Variants in SUPT20H observed in about 807,000 individuals in gnomAD.
SUPT20H encodes the protein SPT20 homolog, SAGA complex component.
Under a neutral mutation model 122.8 loss-of-function variants are expected in SUPT20H, and 82 were observed. The ratio of observed to expected loss-of-function variants is 0.67; its 90% confidence interval spans 0.56 to 0.80. The LOEUF is 0.80. Ranked by LOEUF, SUPT20H falls within the 30% of genes least tolerant of loss-of-function variation. The pLI is 0.00. For missense variants in SUPT20H, 831 were observed against 921.6 expected, an observed-to-expected ratio of 0.90 and a Z score of 1.27; for synonymous variants, 291 against 313.0, an observed-to-expected ratio of 0.93 and a Z score of 0.74.
At chr13:37,057,737 G>A (rs1026869758) in intron 1 of SUPT20H, among the ~76,000 whole-genome samples, 1 of 152,054 alleles carries the variant, frequency 6.6e-6, no homozygotes, top group Admixed American at 6.6e-5. Context: ...ACTTTGGGAG[G>A]CCAAGGCAGG....
intron 1 of SUPT20H, among the ~76,000 whole-genome samples, chr13:37,056,420 G>A (rs945102064): frequency 6.6e-6 from 1 of 152,154 alleles, no homozygotes; most frequent in African/African-American, 2.4e-5. Context: ...ATACACCATG[G>A]AATACTATGC....
chr13:37,033,402 T>A (rs539690119), intron 10 of SUPT20H, 47 bp downstream of exon 10: 1 of 1,590,102 alleles, frequency 6.3e-7, no homozygotes, highest in South Asian at 1.1e-5. Flanking sequence ...TAGCAAAATT[T>A]ATAGCTACTT....
chr13:37,027,318 TA>T (rs919129885), intron 14 of SUPT20H, among the ~76,000 whole-genome samples: 16 of 148,044 alleles, frequency 1.1e-4, no homozygotes, highest in African/African-American at 1.2e-4. Flanking sequence ...GTCTATAACT[TA>T]AAAAAAAAAG....
Position 37,031,789 on chromosome 13 carries a change from C to G in SUPT20H, c.814G>C (p.Glu272Gln). The G allele has an allele frequency of 1.2e-6, 2 of 1,609,438 alleles. No individual in the cohort carries two copies. Among genetic ancestry groups the G allele is most frequent in the South Asian group, 1.1e-5 (1 of 89,910 alleles). ...TCATAATGCTGACCTGCTTTTCTTT[C>G]CTTTCTTTTTTGTAAGAAATCAAGT... ...RLLDFLQKRKERKAGQHYDLK... is the reference protein window; with the variant it reads ...RLLDFLQKRKQRKAGQHYDLK... The change falls in exon 11 of 26, where the codon GAA becomes CAA. Residue 272 changes from glutamate (E) to glutamine (Q), a missense_variant. By Grantham distance (29) the Glu-to-Gln change is conservative (BLOSUM62 2). Transcript: ENST00000350612.
Position 37,033,533 on chromosome 13 carries a change from C to A in SUPT20H, c.623G>T (p.Cys208Phe). 6.2e-7 allele frequency: 1 copy of A among 1,613,592 alleles called. No homozygotes were observed. The highest frequency in any genetic ancestry group is 8.5e-7 in the Non-Finnish European group (1 of 1,179,784). The change falls in exon 10 of 26, where the codon TGT becomes TTT. Residue 208 changes from cysteine (C) to phenylalanine (F), a missense_variant. Transcript: ENST00000350612. Reference sequence around the variant, plus strand: ...GGTGACTGCTATAGAAGGATCAAGACAGAGTGGTTCAGCTGTAGCTAGGAT... The same window carrying A: ...GGTGACTGCTATAGAAGGATCAAGAAAGAGTGGTTCAGCTGTAGCTAGGAT... ...QLILATAEPL[C>F]LDPSIAVTCT... is the part of the protein sequence containing the mutation.
chr13:37,038,970 G>A (rs1158229459), intron 9 of SUPT20H: 2 of 152,224 alleles, frequency 1.3e-5, no homozygotes, highest in Non-Finnish European at 2.9e-5. Context: ...AAGTTTATGA[G>A]AAGAATGCCT....
intron 1 of SUPT20H, among the ~76,000 whole-genome samples, chr13:37,052,716 A>C (rs1186546229): frequency 6.6e-6 from 1 of 152,202 alleles, no homozygotes; most frequent in African/African-American, 2.4e-5. Context: ...TCTGCTCAGC[A>C]AAAGAAACTA....
At chr13:37,012,369 A>G in intron 23 of SUPT20H, 72 bp from the exon 24 acceptor site, 3 of 1,226,784 alleles carry the variant, frequency 2.4e-6, no homozygotes, top group Non-Finnish European at 2.4e-6. Flanking sequence ...AGAAATCAGT[A>G]TTTTTTCCTA....
At chr13:37,023,792 G>T (rs1263334427) in intron 19 of SUPT20H, 1 of 334,618 alleles carries the variant, frequency 3.0e-6, no homozygotes, top group Non-Finnish European at 5.3e-6. Context: ...TGTGTAGGTT[G>T]TAAGCCTATA....
chr13:37,049,568 T>C (rs140480924), intron 2 of SUPT20H, among the ~76,000 whole-genome samples: 1,953 of 152,108 alleles, frequency 0.013, 18 homozygotes, highest in Non-Finnish European at 0.019. Flanking sequence ...GGTGAAACCC[T>C]ATCTCTACTA....
intron 22 of SUPT20H, 123 bp downstream of exon 22, chr13:37,019,219 C>T (rs1201223307): frequency 3.1e-6 from 2 of 647,262 alleles, no homozygotes. Flanking sequence ...CAATAATAAC[C>T]ACACCCTTAG....
At chr13:37,040,537 T>C in intron 8 of SUPT20H, 39 bp downstream of exon 8, 7 of 1,597,484 alleles carry the variant, frequency 4.4e-6, no homozygotes, top group Non-Finnish European at 6.0e-6. Context: ...AACTCCCAAC[T>C]AAAATCTAAA....
At chr13:37,046,745 C>T (rs2138966157) in intron 5 of SUPT20H, 1 of 152,106 alleles carries the variant, frequency 6.6e-6, no homozygotes, top group African/African-American at 2.4e-5. Context: ...CATGTCAAAA[C>T]TTAAAAAATC....
intron 5 of SUPT20H, chr13:37,047,320 CAA>C: frequency 2.6e-6 from 1 of 380,596 alleles, no homozygotes; most frequent in Non-Finnish European, 4.6e-6. Flanking sequence ...GTCTGATACT[CAA>C]TATAACTGTT....
chr13:37,045,630 G>A (rs1205781804), intron 5 of SUPT20H, among the ~76,000 whole-genome samples: 1 of 151,872 alleles, frequency 6.6e-6, no homozygotes, highest in African/African-American at 2.4e-5. Flanking sequence ...CACAATAAAA[G>A]CACTTAAATA....
At chr13:37,058,061 C>T (rs1266114842) in intron 1 of SUPT20H, among the ~76,000 whole-genome samples, 3 of 149,300 alleles carry the variant, frequency 2.0e-5, no homozygotes, top group Admixed American at 1.3e-4. Context: ...GTCAGGAATT[C>T]GAGACCAGCC....
chr13:37,028,523 A>G (rs1371582517), intron 13 of SUPT20H, among the ~76,000 whole-genome samples: 7 of 152,178 alleles, frequency 4.6e-5, no homozygotes, highest in Non-Finnish European at 8.8e-5. Context: ...CATTTAGTAA[A>G]GCATTAACAT....
rs2062072220 is a variant in SUPT20H at position 37,025,378 on chromosome 13, G to A, written c.1271C>T (p.Ser424Leu). 4.3e-6 allele frequency: 7 copies of A among 1,614,004 alleles called. No individual in the cohort carries two copies. The highest frequency in any genetic ancestry group is 2.2e-5 in the East Asian group (1 of 44,876). The change falls in exon 17 of 26, where the codon TCA becomes TTA. Residue 424 changes from serine to leucine, a missense_variant. Transcript: ENST00000350612. ...ACTGGCTGAGCCACTGGAGCTGTGTGACATCTTGACCGGACATTTGGCTTC... is the reference window on the plus strand; with the variant it reads ...ACTGGCTGAGCCACTGGAGCTGTGTAACATCTTGACCGGACATTTGGCTTC... ...QNEAKCPVKM[S>L]HSSSGSASLS...
At chr13:37,010,720 G>T in intron 24 of SUPT20H, 65 bp from the exon 25 acceptor site, 1 of 1,112,034 alleles carries the variant, frequency 9.0e-7, no homozygotes, top group Non-Finnish European at 1.3e-6. Context: ...GGTTAGAAAA[G>T]GACAACATAG....
Sources: allele counts gnomAD v4.1 joint callset (sites outside exome capture counted in the v4.1 genomes callset), GRCh38; gene constraint gnomAD v4.1.1; transcripts MANE v1.5; gene names NCBI Gene and HGNC (gene_info 2026-07-23, HGNC 2026-07-21).